Variants in EXTL2 observed in about 807,000 individuals in gnomAD.
EXTL2 encodes exostosin like glycosyltransferase 2.
A neutral mutation model predicts 30.7 loss-of-function variants in EXTL2; 23 were observed. The ratio of observed to expected loss-of-function variants is 0.75; its 90% CI spans 0.54 to 1.06. EXTL2 has a LOEUF of 1.06. Ranked by LOEUF, EXTL2 falls within the 50% of genes least tolerant of loss-of-function variation. The probability of loss-of-function intolerance (pLI) is 0.00; values close to 1 mark genes in which losing one functional copy is unlikely to be tolerated. For synonymous variants in EXTL2, 123 were observed against 133.8 expected, an observed-to-expected ratio of 0.92 and a Z score of 0.56; for missense variants, 352 against 396.3, an observed-to-expected ratio of 0.89 and a Z score of 0.95.
chr1:100,884,699 T>A (rs1220475160), intron 2 of EXTL2, among the ~76,000 whole-genome samples: 3 of 152,130 alleles, frequency 2.0e-5, no homozygotes, highest in Non-Finnish European at 4.4e-5. Flanking sequence ...GCCCCTCAAA[T>A]CTCTTTCAAA....
intron 2 of EXTL2, chr1:100,878,582 T>C: frequency 2.4e-6 from 1 of 409,646 alleles, no homozygotes; most frequent in Admixed American, 2.7e-5. Flanking sequence ...AGAATCTGTT[T>C]ATAAAAAGAA....
At chr1:100,876,659 T>A in intron 4 of EXTL2, 135 bp downstream of exon 4, 1 of 569,936 alleles carries the variant, frequency 1.8e-6, no homozygotes, top group Non-Finnish European at 3.1e-6. Context: ...GATTAGCCTA[T>A]AACAAATTCA....
At chr1:100,876,901 C>G in intron 3 of EXTL2, 37 bp from the exon 4 acceptor site, 1 of 1,453,388 alleles carries the variant, frequency 6.9e-7, no homozygotes, top group South Asian at 1.1e-5. Context: ...TTGAATAGTT[C>G]GGAAATGAAA....
At chr1:100,883,212 T>C (rs1649704561) in intron 2 of EXTL2, among the ~76,000 whole-genome samples, 1 of 152,248 alleles carries the variant, frequency 6.6e-6, no homozygotes, top group South Asian at 2.1e-4. Context: ...AGTTTTTTAG[T>C]ATCTTTAAGG....
intron 2 of EXTL2, among the ~76,000 whole-genome samples, chr1:100,881,285 A>G (rs1404039634): frequency 6.6e-6 from 1 of 152,208 alleles, no homozygotes; most frequent in Non-Finnish European, 1.5e-5. Context: ...AAACAGCTTC[A>G]GTACAATTTG....
At chr1:100,878,367 G>A (rs1476429179) in intron 2 of EXTL2, 3 of 470,264 alleles carry the variant, frequency 6.4e-6, no homozygotes, top group African/African-American at 4.0e-5. Flanking sequence ...TGTACTATGT[G>A]CTTCATATAC....
intron 2 of EXTL2, among the ~76,000 whole-genome samples, chr1:100,881,430 T>C (rs1389871486): frequency 6.6e-6 from 1 of 152,254 alleles, no homozygotes; most frequent in East Asian, 1.9e-4. Context: ...AAAACACATC[T>C]GGATGACCTA....
intron 2 of EXTL2, chr1:100,885,919 C>G (rs528742485): frequency 6.6e-6 from 1 of 152,046 alleles, no homozygotes; most frequent in Non-Finnish European, 1.5e-5. Context: ...AAATCTAAAA[C>G]AAAATAATTT....
chr1:100,876,900 T>A (rs376342549), intron 3 of EXTL2, 36 bp from the exon 4 acceptor site: 10 of 1,465,682 alleles, frequency 6.8e-6, no homozygotes, highest in Admixed American at 3.4e-5. Context: ...GTTGAATAGT[T>A]CGGAAATGAA....
At position 100,874,038 on chromosome 1, in the gene EXTL2, CTTAT is replaced by C. The variant is rs1648902055; in HGVS notation, c.893_896del (p.Asn298SerfsTer11). The stretch of plus-strand genomic sequence containing the variant: ...GCATGCTATCATAGATATTAACAAG[CTTAT>C]TTATACAATAAGACCTCTGCAGAGC... On this transcript the variant is annotated frameshift_variant, in exon 5 of 5. Coordinates refer to ENST00000370114, the MANE Select transcript of EXTL2 (RefSeq NM_001033025.3). LOFTEE classifies it high-confidence loss of function. The C allele has an allele frequency of 6.2e-7, 1 of 1,613,058 alleles. No individual in the cohort carries two copies.
At chr1:100,880,897 A>C in intron 2 of EXTL2, 1 of 903,324 alleles carries the variant, frequency 1.1e-6, no homozygotes, top group Non-Finnish European at 1.3e-6. Flanking sequence ...AGAAAAAGTA[A>C]TAAGATTAAT....
chr1:100,888,116 A>C (rs1174315025), intron 2 of EXTL2, among the ~76,000 whole-genome samples: 1 of 152,260 alleles, frequency 6.6e-6, no homozygotes, highest in Non-Finnish European at 1.5e-5. Context: ...ATACTATTTC[A>C]ATGGACCTAA....
chr1:100,875,405 T>C (rs1315775741), intron 4 of EXTL2, among the ~76,000 whole-genome samples: 1 of 151,762 alleles, frequency 6.6e-6, no homozygotes, highest in East Asian at 1.9e-4. Context: ...ACATTGAGGG[T>C]AGAATGACAA....
intron 2 of EXTL2, chr1:100,880,952 G>A (rs1331261003): frequency 3.1e-6 from 3 of 968,826 alleles, no homozygotes; most frequent in Non-Finnish European, 3.7e-6. Flanking sequence ...ACACTCATGA[G>A]TGACTGCTTC....
chr1:100,878,462 A>T (rs1295200346), intron 2 of EXTL2: 1 of 470,952 alleles, frequency 2.1e-6, no homozygotes, highest in East Asian at 6.9e-5. Flanking sequence ...GGATACAGCA[A>T]TTAATGAGAT....
intron 1 of EXTL2, among the ~76,000 whole-genome samples, chr1:100,891,296 C>A (rs566081688): frequency 3.3e-5 from 5 of 152,006 alleles, no homozygotes; most frequent in Non-Finnish European, 4.4e-5. Flanking sequence ...TAATTATGAC[C>A]GTATTATTGT....
chr1:100,874,243 G>T lies in EXTL2; in HGVS notation c.692C>A (p.Ala231Glu). 1 of 1,612,742 alleles carries T rather than the reference G, an allele frequency of 6.2e-7. No individual in the cohort carries two copies. The highest frequency in any genetic ancestry group is 1.1e-5 in the South Asian group (1 of 91,012). Residue 231 changes from alanine (A) to glutamate (E), a missense_variant, in exon 5 of 5, where the codon GCA (alanine) becomes GAA (glutamate). Transcript: ENST00000370114. ...ATCATCTATCAAAGCATGGACAGCT[G>T]CAGGTTGCCTCTGAAATAATTCAAG... ...KYLELFQRQP[A>E]AVHALIDDTQ...
In EXTL2 at chr1:100,873,687, A is replaced by T. The variant is rs1648860372; in HGVS notation, c.*255T>A. ...AACTGTAGAACAGTCTCAGGATGTA[A>T]ACAATAAAATCACTGACCAAGGAGT... On this transcript the variant is annotated 3_prime_UTR_variant, in exon 5 of 5. Coordinates refer to ENST00000370114, the MANE Select transcript of EXTL2 (RefSeq NM_001033025.3). 1 of 344,524 alleles carries T rather than the reference A, an allele frequency of 2.9e-6. No homozygotes were observed. The highest frequency in any genetic ancestry group is 5.2e-6 in the Non-Finnish European group (1 of 191,368). 21.3% of individuals were successfully genotyped at this position (344,524 alleles called of 1,614,324 possible). A position where few individuals can be genotyped will look rare whatever the true frequency, so the allele number is the denominator to read the frequency against.
rs1484417103 is a variant in EXTL2 at position 100,873,811 on chromosome 1, T to G, written c.*131A>C. 2.2e-6 allele frequency: 2 copies of G among 924,774 alleles called. No homozygotes were observed. The highest frequency in any genetic ancestry group is 3.2e-6 in the Non-Finnish European group (2 of 629,732). The allele number at this position is 924,774 out of a possible 1,614,324, so 57.3% of individuals were successfully genotyped here. A position where few individuals can be genotyped will look rare whatever the true frequency, so the allele number is the denominator to read the frequency against. ...TGTGAATTTTATATCCTAGAAGCACTGCACTTTTTTTTCTATTGTAGAGAC... is the reference window on the plus strand; with the variant it reads ...TGTGAATTTTATATCCTAGAAGCACGGCACTTTTTTTTCTATTGTAGAGAC... On this transcript the variant is annotated 3_prime_UTR_variant, in exon 5 of 5. Transcript: ENST00000370114.
Sources: gnomAD v4.1 joint callset for allele counts (sites outside exome capture counted in the v4.1 genomes callset) on GRCh38, gnomAD v4.1.1 for gene constraint, MANE v1.5 for transcripts, NCBI Gene and HGNC (gene_info 2026-07-23, HGNC 2026-07-21) for gene names.